Variants in AGAP3 observed in about 807,000 individuals in gnomAD.
AGAP3 encodes the protein ArfGAP with GTPase domain, ankyrin repeat and PH domain 3, also known as arf-GAP with GTPase, ANK repeat and PH domain-containing protein 3.
AGAP3 carries 24 observed loss-of-function variants against 96.9 expected under a neutral mutation model. That is an observed-to-expected ratio of 0.25 (90% confidence interval 0.18 to 0.35). The LOEUF is 0.35. Among genes scored for constraint, AGAP3 ranks in the 10% least tolerant of loss-of-function variants. The probability of loss-of-function intolerance (pLI) is 1.00; values close to 1 mark genes in which losing one functional copy is unlikely to be tolerated. For synonymous variants in AGAP3, 563 were observed against 536.1 expected, an observed-to-expected ratio of 1.05 and a Z score of -0.69; for missense variants, 876 against 1,254.2, an observed-to-expected ratio of 0.70 and a Z score of 4.55.
intron 11 of AGAP3, among the ~76,000 whole-genome samples, chr7:151,135,505 C>A (rs1222669801): frequency 6.6e-6 from 1 of 152,200 alleles, no homozygotes; most frequent in Non-Finnish European, 1.5e-5. Flanking sequence ...ATGGGAGAGA[C>A]CCCAAACAAT....
At chr7:151,124,849 G>C (rs1022694472) in intron 9 of AGAP3, among the ~76,000 whole-genome samples, 1 of 152,200 alleles carries the variant, frequency 6.6e-6, no homozygotes, top group African/African-American at 2.4e-5. Flanking sequence ...TAGTGTCCCA[G>C]AGGGCAGGGT....
In AGAP3 at chr7:151,108,773, G is replaced by C. The variant is rs1799161908; in HGVS notation, c.332-8020G>C. ...ATTCTGGAGTCCTGGGCCCTGCCCA[G>C]GCTCTGTCACTGCTGGGCTGTGTAA... On this transcript the variant is annotated intron_variant, in intron 1 of 17. Coordinates refer to ENST00000397238, the MANE Select transcript of AGAP3 (RefSeq NM_031946.7). This position sits in a 1 kb window ranked among gnomAD's most constrained non-coding sequence, Gnocchi z 4.2. 6.6e-6 allele frequency among the ~76,000 whole-genome samples: 1 copy of C among 152,250 alleles called. No homozygotes were observed. Among genetic ancestry groups the C allele is most frequent in the South Asian group, 2.1e-4 (1 of 4,832 alleles).
chr7:151,119,110 G>A (rs1799739929), intron 7 of AGAP3: 1 of 192,414 alleles, frequency 5.2e-6, no homozygotes, highest in Admixed American at 5.3e-5. Context: ...GGAAAAAGGA[G>A]GAGGAGGGCT....
chr7:151,105,314 T>A (rs193215588), intron 1 of AGAP3, among the ~76,000 whole-genome samples: 1,806 of 152,180 alleles, frequency 0.012, 21 homozygotes, highest in Non-Finnish European at 0.019. Context: ...CAGAAAAACA[T>A]AAAAGAAGCA....
At chr7:151,099,287 G>A (rs936196211) in intron 1 of AGAP3, among the ~76,000 whole-genome samples, 7 of 149,980 alleles carry the variant, frequency 4.7e-5, no homozygotes, top group Admixed American at 1.3e-4. Flanking sequence ...AGCTTGCAGT[G>A]AGCCGAGATC....
chr7:151,111,994 C>T (rs1407674677), intron 1 of AGAP3, among the ~76,000 whole-genome samples: 1 of 152,148 alleles, frequency 6.6e-6, no homozygotes, highest in Non-Finnish European at 1.5e-5. Context: ...CTGTCTGTGT[C>T]GAGCACAGCT....
chr7:151,135,060 G>A (rs1800540545), intron 11 of AGAP3, among the ~76,000 whole-genome samples: 2 of 152,176 alleles, frequency 1.3e-5, no homozygotes, highest in Non-Finnish European at 2.9e-5. Flanking sequence ...AAACTCCAGT[G>A]AAGAGCTGTT....
intron 8 of AGAP3, chr7:151,122,658 G>C (rs546410171): frequency 1.3e-6 from 2 of 1,598,370 alleles, no homozygotes; most frequent in African/African-American, 1.3e-5. Flanking sequence ...GCCCTCACCG[G>C]TGCTGACCGA....
Position 151,134,416 on chromosome 7 carries a change from T to A in AGAP3, c.1343T>A (p.Ile448Asn), listed in dbSNP as rs1332581773. Reference protein sequence around the residue: ...HPSLHDYMQNIHGKEIDLLRT... With the variant: ...HPSLHDYMQNNHGKEIDLLRT... ...GGCCTGCAGGATTACATGCAGAACA[T>A]CCACGGCAAGGAGATTGACCTGCTG... Residue 448 changes from isoleucine to asparagine, a missense_variant, in exon 11 of 18, where the codon ATC (isoleucine) becomes AAC (asparagine). This residue lies in a region of AGAP3 where 63 missense variants were observed against 114.5 expected (regional missense o/e 0.55). Transcript: ENST00000397238. The A allele has an allele frequency of 1.2e-6, 2 of 1,613,440 alleles. No homozygotes were observed. The highest frequency in any genetic ancestry group is 1.7e-6 in the Non-Finnish European group (2 of 1,179,994).
rs940448063 is a variant in AGAP3 at position 151,144,146 on chromosome 7, C to T, written c.*203C>T. Reference sequence around the variant, plus strand: ...AGCAGAGAGGGATGAGGGATTTAGCCCTCTGCCCTAAGGTGCCATTGAAAA... The same window carrying T: ...AGCAGAGAGGGATGAGGGATTTAGCTCTCTGCCCTAAGGTGCCATTGAAAA... On this transcript the variant is annotated 3_prime_UTR_variant, in exon 18 of 18. Coordinates refer to ENST00000397238, the MANE Select transcript of AGAP3 (RefSeq NM_031946.7). 1 of 640,510 alleles carries T rather than the reference C, an allele frequency of 1.6e-6. No homozygotes were observed. The highest frequency in any genetic ancestry group is 2.7e-6 in the Non-Finnish European group (1 of 375,296). 39.7% of individuals were successfully genotyped at this position (640,510 alleles called of 1,614,324 possible).
intron 1 of AGAP3, among the ~76,000 whole-genome samples, chr7:151,106,576 C>T (rs1799063399): frequency 6.6e-6 from 1 of 152,108 alleles, no homozygotes; most frequent in African/African-American, 2.4e-5. Context: ...CTCCCGGGTT[C>T]AAGCAATTCT....
chr7:151,115,104 A>C, intron 1 of AGAP3: 1 of 1,030,550 alleles, frequency 9.7e-7, no homozygotes, highest in Non-Finnish European at 1.2e-6. Flanking sequence ...GACCCGGCGC[A>C]GCCGCACCCG....
chr7:151,132,638 C>T (rs1800444844), intron 10 of AGAP3, among the ~76,000 whole-genome samples: 1 of 152,220 alleles, frequency 6.6e-6, no homozygotes, highest in Non-Finnish European at 1.5e-5. Context: ...GGCAGGGAGG[C>T]CGCGTGCTGA....
Position 151,141,884 on chromosome 7 carries a change from C to A in AGAP3, c.1805-14C>A, listed in dbSNP as rs901919695. On this transcript the variant is annotated splice_polypyrimidine_tract_variant and intron_variant, in intron 13 of 17. Transcript: ENST00000397238. This position sits in a 1 kb window ranked among gnomAD's most constrained non-coding sequence, Gnocchi z 4.2. ...AGGCCAGGAGCCCTGATGGCATAAACACCCCCCCAACAGAGGCAGAGGAGT... is the reference window on the plus strand; with the variant it reads ...AGGCCAGGAGCCCTGATGGCATAAAAACCCCCCCAACAGAGGCAGAGGAGT... 5 of 1,614,012 alleles carry A rather than the reference C, an allele frequency of 3.1e-6. No homozygotes were observed. In the African/African-American group the frequency reaches 6.7e-5, roughly 22 times the overall value.
chr7:151,122,963 C>G, intron 8 of AGAP3: 1 of 1,434,142 alleles, frequency 7.0e-7, no homozygotes, highest in East Asian at 2.5e-5. Flanking sequence ...AGCGCCGGAG[C>G]CCGCGCTGGG....
Position 151,089,322 on chromosome 7 carries a change from A to G in AGAP3, c.331+2250A>G, listed in dbSNP as rs551931261. Among the ~76,000 whole-genome samples the G allele has an allele frequency of 9.9e-5, 15 of 152,248 alleles. 1 individual carries two copies. The highest frequency in any genetic ancestry group is 9.2e-4 in the Admixed American group (14 of 15,300). On this transcript the variant is annotated intron_variant, in intron 1 of 17. Transcript: ENST00000397238. The stretch of plus-strand genomic sequence containing the variant: ...GGCGCAGACTCCCTGGGCGTTTCCG[A>G]GCACAGTCTGAGGCTGGACTGAGAC...
intron 2 of AGAP3, 115 bp downstream of exon 2, chr7:151,116,966 C>T: frequency 6.8e-7 from 1 of 1,468,876 alleles, no homozygotes; most frequent in Non-Finnish European, 9.5e-7. Context: ...TCAGCTTGGC[C>T]CTCTCTGCCC....
intron 11 of AGAP3, chr7:151,137,783 G>T: frequency 3.1e-6 from 1 of 327,356 alleles, no homozygotes; most frequent in Non-Finnish European, 5.6e-6. Flanking sequence ...AGAATGGAGG[G>T]TGCAGGGGCC....
At chr7:151,126,005 G>A (rs1800145960) in intron 9 of AGAP3, among the ~76,000 whole-genome samples, 1 of 143,850 alleles carries the variant, frequency 7.0e-6, no homozygotes, top group South Asian at 2.2e-4. Context: ...AGTGGGAAGA[G>A]GCACGGGCTA....
Sources: allele counts gnomAD v4.1 joint callset (sites outside exome capture counted in the v4.1 genomes callset), GRCh38; gene constraint gnomAD v4.1.1; regional missense constraint gnomAD v4.1.1; non-coding constraint Gnocchi (gnomAD v3.1); transcripts MANE v1.5; gene names NCBI Gene and HGNC (gene_info 2026-07-23, HGNC 2026-07-21).